The following DNAH11 variants were observed in gnomAD, a reference collection of about 807,000 sequenced individuals.
DNAH11 encodes dynein axonemal heavy chain 11.
Under a neutral mutation model 526.0 loss-of-function variants are expected in DNAH11, and 442 were observed. The observed-to-expected ratio is 0.84, with a 90% CI of 0.78 to 0.91. DNAH11 has a LOEUF of 0.91. Ranked by LOEUF, DNAH11 falls within the 40% of genes least tolerant of loss-of-function variation. The pLI, the probability that DNAH11 is intolerant of heterozygous loss-of-function variation, is 0.00. For missense variants in DNAH11, 6,989 were observed against 5,448.7 expected, an observed-to-expected ratio of 1.28 and a Z score of -8.90; for synonymous variants, 2,461 against 1,935.9, an observed-to-expected ratio of 1.27 and a Z score of -7.12.
At position 21,678,245 on chromosome 7, in the gene DNAH11, G is replaced by T. The variant is rs553581898; in HGVS notation, c.5329-3301G>T. 3.7e-3 allele frequency among the ~76,000 whole-genome samples: 555 copies of T among 149,638 alleles called. 7 individuals are homozygous for T. The highest frequency in any genetic ancestry group is 0.014 in the Middle Eastern group (4 of 290). ...CTTTGATTCATTTTGAGTTTTTTTT[G>T]TGTGTGTATAGTGTAAGGGTCCAAT... On this transcript the variant is annotated intron_variant, in intron 30 of 81. Coordinates refer to ENST00000409508, the MANE Select transcript of DNAH11 (RefSeq NM_001277115.2).
chr7:21,776,958 G>A (rs1447712295), intron 56 of DNAH11, among the ~76,000 whole-genome samples: 1 of 150,160 alleles, frequency 6.7e-6, no homozygotes, highest in Non-Finnish European at 1.5e-5. Context: ...GTGTGTGTGT[G>A]TGTGTATGTT....
rs1200083554 is a variant in DNAH11, at chr7:21,571,802, A to G, written c.1426-4A>G. 3.1e-6 allele frequency: 5 copies of G among 1,601,930 alleles called. No individual in the cohort carries two copies. Among genetic ancestry groups the G allele is most frequent in the Non-Finnish European group, 4.3e-6 (5 of 1,175,704 alleles). On this transcript the variant is annotated splice_region_variant and splice_polypyrimidine_tract_variant and intron_variant, in intron 7 of 81. Transcript: ENST00000409508. ...GAAAGGTCTTTACTGTGTTTTTTAC[A>G]AAGGATATATTTGCCACCACTTTGG... is the stretch of plus-strand genomic sequence containing the variant.
chr7:21,761,130 G>A (rs752865652), intron 54 of DNAH11, among the ~76,000 whole-genome samples: 4 of 152,064 alleles, frequency 2.6e-5, no homozygotes, highest in Non-Finnish European at 5.9e-5. Flanking sequence ...AATAACCAAC[G>A]GTTTCCAGAC....
chr7:21,678,771 C>G (rs866555267), intron 30 of DNAH11, among the ~76,000 whole-genome samples: 3 of 152,042 alleles, frequency 2.0e-5, no homozygotes, highest in African/African-American at 2.4e-5. Context: ...TCTTTGACCT[C>G]CTTGGTGGTT....
intron 45 of DNAH11, among the ~76,000 whole-genome samples, chr7:21,734,391 G>A (rs1466568458): frequency 6.6e-6 from 1 of 152,180 alleles, no homozygotes; most frequent in Non-Finnish European, 1.5e-5. Context: ...ATGACAACTA[G>A]CAGCAAGAAA....
At chr7:21,713,985 C>T (rs1185062036) in intron 42 of DNAH11, among the ~76,000 whole-genome samples, 1 of 152,168 alleles carries the variant, frequency 6.6e-6, no homozygotes, top group Non-Finnish European at 1.5e-5. Flanking sequence ...GTACAGAGAA[C>T]CCAGGCACCA....
rs77997626 is a variant in DNAH11 at position 21,899,802 on chromosome 7, A to G, written c.13163-178A>G. 4.5e-3 allele frequency among the ~76,000 whole-genome samples: 678 copies of G among 152,330 alleles called. 15 individuals carry two copies. In the East Asian group the frequency reaches 0.062, roughly 14 times the overall value. On this transcript the variant is annotated intron_variant, in intron 80 of 81. Transcript: ENST00000409508. ...TTCCAATAAAACTATCTACAGAAAC[A>G]GCGAGCTTGTCCTGCAGGCCTTAGT...
rs369466371 is a variant in DNAH11, at chr7:21,600,669, C to T, written c.3001-7C>T. On this transcript the variant is annotated splice_region_variant and splice_polypyrimidine_tract_variant and intron_variant, in intron 15 of 81. Transcript: ENST00000409508. ...AATAGTAAGTGCTGTGTTTTCCTCT[C>T]ATTTAGAATGATATGGATAACATGT... 1.1e-3 allele frequency: 1,834 copies of T among 1,596,546 alleles called. 21 individuals are homozygous for T. The highest frequency in any genetic ancestry group is 1.8e-4 in the Non-Finnish European group (207 of 1,170,118).
rs557160950 is a variant in DNAH11 at position 21,652,866 on chromosome 7, T to TA, written c.4945-2964dup. On this transcript the variant is annotated intron_variant, in intron 28 of 81. Transcript: ENST00000409508. Reference sequence around the variant, plus strand: ...GGGCCTACGAAGTATTAGTTTTTTTTAATATTTATTTATTTATTTATGTAT... The same window carrying TA: ...GGGCCTACGAAGTATTAGTTTTTTTTAAATATTTATTTATTTATTTATGTAT... Among the ~76,000 whole-genome samples the TA allele has an allele frequency of 4.0e-3, 603 of 152,294 alleles. 5 individuals are homozygous for TA. The highest frequency in any genetic ancestry group is 6.8e-3 in the Middle Eastern group (2 of 294).
intron 65 of DNAH11, among the ~76,000 whole-genome samples, chr7:21,822,179 G>T (rs1191950980): frequency 7.9e-5 from 12 of 152,142 alleles, no homozygotes; most frequent in African/African-American, 2.4e-4. Flanking sequence ...TTTAAAAAGA[G>T]TTTGATTTAA....
At chr7:21,576,833 T>C (rs1311236742) in intron 8 of DNAH11, among the ~76,000 whole-genome samples, 1 of 152,186 alleles carries the variant, frequency 6.6e-6, no homozygotes, top group African/African-American at 2.4e-5. Flanking sequence ...AAAACACACA[T>C]GGGAAAGATT....
intron 69 of DNAH11, among the ~76,000 whole-genome samples, chr7:21,863,333 T>G (rs1783144630): frequency 6.6e-6 from 1 of 152,192 alleles, no homozygotes; most frequent in South Asian, 2.1e-4. Flanking sequence ...AATACTTGTT[T>G]TTTTGTTTGT....
intron 70 of DNAH11, among the ~76,000 whole-genome samples, chr7:21,864,925 G>A (rs1456431197): frequency 6.6e-6 from 1 of 152,176 alleles, no homozygotes; most frequent in Non-Finnish European, 1.5e-5. Flanking sequence ...TAAAAGCCAA[G>A]TGATACAAAT....
rs149028788 is a variant in DNAH11 at position 21,748,359 on chromosome 7, C to A, written c.8511-221C>A. On this transcript the variant is annotated intron_variant, in intron 51 of 81. Coordinates refer to ENST00000409508, the MANE Select transcript of DNAH11 (RefSeq NM_001277115.2). ...ATCAGCTGGGCATGGTGGTGAGTGC[C>A]CGTAATCCAACTACTTGGGAGGTTG... is the stretch of plus-strand genomic sequence containing the variant. 0.012 allele frequency among the ~76,000 whole-genome samples: 1,794 copies of A among 152,194 alleles called. 38 individuals carry two copies. The highest frequency in any genetic ancestry group is 0.041 in the African/African-American group (1,705 of 41,524).
intron 57 of DNAH11, among the ~76,000 whole-genome samples, chr7:21,781,613 A>C (rs540949605): frequency 4.7e-4 from 72 of 152,292 alleles, no homozygotes; most frequent in South Asian, 1.7e-3. Flanking sequence ...ATCAATCTTG[A>C]TTTGGAATGG....
chr7:21,742,062 C>G lies in DNAH11; in HGVS notation c.8050C>G (p.Gln2684Glu), dbSNP rs1230080456. Residue 2684 changes from glutamine (Q) to glutamate (E), a missense_variant, in exon 49 of 82, where the codon CAG (glutamine) becomes GAG (glutamate). By Grantham distance (29) the Gln-to-Glu change is conservative. Coordinates refer to ENST00000409508, the MANE Select transcript of DNAH11 (RefSeq NM_001277115.2). Reference protein sequence around the residue: ...SILRSGPTLIQATIAFHQTMM... With the variant: ...SILRSGPTLIEATIAFHQTMM... ...TCTCAGGAGTGGCCCCACTTTGATC[C>G]AGGCAACAATAGCATTCCATCAGAC... 4 of 1,613,962 alleles carry G rather than the reference C, an allele frequency of 2.5e-6. No individual in the cohort carries two copies. Among genetic ancestry groups the G allele is most frequent in the Non-Finnish European group, 1.7e-6 (2 of 1,179,856 alleles).
At chr7:21,789,850 T>TTCTCTCTC (rs1554281435) in intron 61 of DNAH11, among the ~76,000 whole-genome samples, 1 of 143,560 alleles carries the variant, frequency 7.0e-6, no homozygotes, top group African/African-American at 2.6e-5. Context: ...CTTTCTTTCT[T>TTCTCTCTC]TCTCTCTCCT....
At chr7:21,750,390 T>A (rs777205773) in intron 54 of DNAH11, 26 bp downstream of exon 54, 1 of 1,580,180 alleles carries the variant, frequency 6.3e-7, no homozygotes, top group Admixed American at 1.8e-5. Flanking sequence ...TTAATTTGCA[T>A]GTTAGTTAAA....
intron 28 of DNAH11, among the ~76,000 whole-genome samples, chr7:21,645,696 C>CTAAATCAGATATCTAAAAATCAGATATA (rs1787324977): frequency 1.3e-5 from 2 of 149,496 alleles, no homozygotes; most frequent in Non-Finnish European, 3.0e-5. Context: ...AATCAGATAT[C>CTAAATCAGATATCTAAAAATCAGATATA]TAAATCAGAT....
Sources: gnomAD v4.1 joint callset for allele counts (sites outside exome capture counted in the v4.1 genomes callset) on GRCh38, gnomAD v4.1.1 for gene constraint, MANE v1.5 for transcripts, NCBI Gene and HGNC (gene_info 2026-07-23, HGNC 2026-07-21) for gene names.